FBLN1: variants seen among roughly 807,000 people sequenced by gnomAD.
FBLN1 encodes the protein fibulin-1.
A neutral mutation model predicts 89.7 loss-of-function variants in FBLN1; 34 were observed. The ratio of observed to expected loss-of-function variants is 0.38; its 90% CI spans 0.29 to 0.50. The LOEUF (loss-of-function observed/expected upper bound fraction) is 0.50, where lower values mean the gene tolerates loss of function less well. Ranked by LOEUF, FBLN1 falls within the 20% of genes least tolerant of loss-of-function variation. The probability of loss-of-function intolerance (pLI) is 0.92; values close to 1 mark genes in which losing one functional copy is unlikely to be tolerated. For missense variants in FBLN1, 777 were observed against 988.1 expected, an observed-to-expected ratio of 0.79 and a Z score of 2.86; for synonymous variants, 393 against 391.3, an observed-to-expected ratio of 1.00 and a Z score of -0.05.
At chr22:45,559,804 A>G (rs2088830266) in intron 14 of FBLN1, among the ~76,000 whole-genome samples, 1 of 152,204 alleles carries the variant, frequency 6.6e-6, no homozygotes, top group African/African-American at 2.4e-5. Context: ...CTCTGGTAAA[A>G]GGCCAGAGGT....
intron 14 of FBLN1, chr22:45,558,269 G>A (rs1436735723): frequency 4.0e-6 from 2 of 499,066 alleles, no homozygotes; most frequent in Non-Finnish European, 7.4e-6. Flanking sequence ...CCAACTTTAT[G>A]GCTAGATGGG....
rs1056002141 is a variant in FBLN1 at position 45,578,011 on chromosome 22, G to A, written c.1972+903G>A. On this transcript the variant is annotated intron_variant, in intron 16 of 16. Transcript: ENST00000327858. This position sits in a 1 kb window ranked among gnomAD's most constrained non-coding sequence, Gnocchi z 4.6. ...GATTTATACTCTGAACACTTTCAAA[G>A]CAGCTGAGCAACGGACGGACAGTCC... 1 of 152,380 alleles carries A rather than the reference G, an allele frequency of 6.6e-6. No individual in the cohort carries two copies. Among genetic ancestry groups the A allele is most frequent in the African/African-American group, 2.4e-5 (1 of 41,468 alleles). 9.4% of individuals were successfully genotyped at this position (152,380 alleles called of 1,614,324 possible).
intron 11 of FBLN1, among the ~76,000 whole-genome samples, chr22:45,546,877 G>A (rs1349761812): frequency 2.0e-5 from 3 of 152,226 alleles, no homozygotes; most frequent in Admixed American, 2.0e-4. Context: ...AGAAGTTGTG[G>A]TCGAAGCAGG....
intron 6 of FBLN1, among the ~76,000 whole-genome samples, chr22:45,533,412 C>T (rs537719142): frequency 4.6e-5 from 7 of 152,296 alleles, no homozygotes; most frequent in African/African-American, 1.4e-4. Context: ...AACCAGGTTC[C>T]GGATCCAGGA....
rs1290444171 is a variant in FBLN1 at position 45,502,982 on chromosome 22, G to T, written c.-4G>T. 7.5e-6 allele frequency: 9 copies of T among 1,195,540 alleles called. No homozygotes were observed. In the South Asian group the frequency reaches 1.5e-4, roughly 19 times the overall value. The allele number at this position is 1,195,540 out of a possible 1,614,324, so 74.1% of individuals were successfully genotyped here. A position where few individuals can be genotyped will look rare whatever the true frequency, so the allele number is the denominator to read the frequency against. On this transcript the variant is annotated 5_prime_UTR_variant, in exon 1 of 17. Coordinates refer to ENST00000327858, the MANE Select transcript of FBLN1 (RefSeq NM_006486.3). ...CGCCGCCCACCGCCCGTCGCCCGCC[G>T]CCCATGGAGCGCGCCGCGCCGTCGC...
chr22:45,589,080 T>C (rs1201061842), intron 16 of FBLN1, among the ~76,000 whole-genome samples: 1 of 49,304 alleles, frequency 2.0e-5, no homozygotes, highest in Non-Finnish European at 6.8e-5. Context: ...TATATAAAAA[T>C]ATTTTTTATA....
rs762688242 is a variant in FBLN1 at position 45,550,577 on chromosome 22, C to T, written c.1659C>T (p.Ala553=). The change falls in exon 14 of 17, where the codon GCC becomes GCT. Residue 553 remains alanine (A), a synonymous_variant. Coordinates refer to ENST00000327858, the MANE Select transcript of FBLN1 (RefSeq NM_006486.3). The surrounding 1 kb of genome is among the most constrained non-coding windows in gnomAD (Gnocchi z 8.4). ...FNIQGGFRCL[A]FECPENYRRS... The stretch of plus-strand genomic sequence containing the variant: ...TCCAGGGCGGCTTCCGCTGCCTGGC[C>T]TTCGAGTGCCCTGAGAACTACCGCC... 1 of 1,614,114 alleles carries T rather than the reference C, an allele frequency of 6.2e-7. No individual in the cohort carries two copies. Among genetic ancestry groups the T allele is most frequent in the South Asian group, 1.1e-5 (1 of 91,088 alleles).
At chr22:45,513,892 C>G (rs1569233856) in intron 1 of FBLN1, among the ~76,000 whole-genome samples, 1 of 152,082 alleles carries the variant, frequency 6.6e-6, no homozygotes, top group Non-Finnish European at 1.5e-5. Flanking sequence ...CTCCCAGGTT[C>G]AAGCGATTCT....
In FBLN1 at chr22:45,545,135, G is replaced by A. The variant is rs1363532940; in HGVS notation, c.1321+1609G>A. The stretch of plus-strand genomic sequence containing the variant: ...CTGTGGTGTGCATGATTCTCAAATC[G>A]GAGGACGGACGGTGTGAGGGGTCCT... On this transcript the variant is annotated intron_variant, in intron 11 of 16. Coordinates refer to ENST00000327858, the MANE Select transcript of FBLN1 (RefSeq NM_006486.3). The surrounding 1 kb of genome is among the most constrained non-coding windows in gnomAD (Gnocchi z 5.9). Among the ~76,000 whole-genome samples the A allele has an allele frequency of 2.6e-5, 4 of 152,208 alleles. No individual in the cohort carries two copies. Among genetic ancestry groups the A allele is most frequent in the African/African-American group, 4.8e-5 (2 of 41,454 alleles).
intron 7 of FBLN1, 67 bp from the exon 8 acceptor site, chr22:45,535,133 T>G (rs1388304277): frequency 3.2e-6 from 5 of 1,585,096 alleles, no homozygotes; most frequent in African/African-American, 1.3e-5. Flanking sequence ...TCTTGTGATT[T>G]TAAAGTGTTG....
intron 16 of FBLN1, among the ~76,000 whole-genome samples, chr22:45,592,440 G>A (rs1360002042): frequency 1.3e-5 from 2 of 152,142 alleles, no homozygotes; most frequent in Non-Finnish European, 2.9e-5. Context: ...GATTCTCCCT[G>A]CCTCAGCCTC....
chr22:45,538,497 CT>C (rs528998777), intron 8 of FBLN1, among the ~76,000 whole-genome samples: 68 of 152,314 alleles, frequency 4.5e-4, no homozygotes, highest in African/African-American at 1.5e-3. Context: ...CTGCCACTTG[CT>C]TTTCCCCCCC....
intron 8 of FBLN1, chr22:45,535,602 A>G: frequency 4.6e-6 from 2 of 435,326 alleles, no homozygotes; most frequent in East Asian, 4.6e-5. Context: ...CTGTGTTCCA[A>G]TAAAACTTTA....
intron 2 of FBLN1, among the ~76,000 whole-genome samples, chr22:45,520,039 G>A (rs964761836): frequency 3.8e-4 from 57 of 151,720 alleles, no homozygotes; most frequent in Admixed American, 7.2e-4. Context: ...TTGTGGTGGC[G>A]GGCGTCTGTA....
At chr22:45,591,431 AGAG>A (rs2089135530) in intron 16 of FBLN1, among the ~76,000 whole-genome samples, 4 of 81,050 alleles carry the variant, frequency 4.9e-5, no homozygotes, top group Admixed American at 1.1e-4. Context: ...CCTGAAACGA[AGAG>A]CTGTCTCTTT....
In FBLN1 at chr22:45,580,948, C is replaced by T. The variant is rs912862865; in HGVS notation, c.1972+3840C>T. Among the ~76,000 whole-genome samples, 5 of 152,182 alleles carry T rather than the reference C, an allele frequency of 3.3e-5. No individual in the cohort carries two copies. The highest frequency in any genetic ancestry group is 2.1e-4 in the South Asian group (1 of 4,828). ...AAGCCCCCTTGCATTCCTCTTTAAC[C>T]GGCTGTCAAAGAAAAATGAAGAATG... is the stretch of plus-strand genomic sequence containing the variant. On this transcript the variant is annotated intron_variant, in intron 16 of 16. Transcript: ENST00000327858. This position sits in a 1 kb window ranked among gnomAD's most constrained non-coding sequence, Gnocchi z 8.6.
chr22:45,526,691 G>A (rs886832338), intron 3 of FBLN1, among the ~76,000 whole-genome samples: 2 of 152,224 alleles, frequency 1.3e-5, no homozygotes, highest in African/African-American at 4.8e-5. Flanking sequence ...TGGAGGAGTT[G>A]GGGGTCCCGA....
Position 45,549,120 on chromosome 22 carries a change from G to A in FBLN1, c.1573+376G>A, listed in dbSNP as rs535213642. 6.6e-6 allele frequency among the ~76,000 whole-genome samples: 1 copy of A among 152,354 alleles called. No homozygotes were observed. Among genetic ancestry groups the A allele is most frequent in the South Asian group, 2.1e-4 (1 of 4,828 alleles). On this transcript the variant is annotated intron_variant, in intron 13 of 16. Transcript: ENST00000327858. The surrounding 1 kb of genome is among the most constrained non-coding windows in gnomAD (Gnocchi z 5.7). ...CAGGGGATGGCGTGGCCTGGTGTGGGATGGCCCAGGGATACTCATGGCTAT... is the reference window on the plus strand; with the variant it reads ...CAGGGGATGGCGTGGCCTGGTGTGGAATGGCCCAGGGATACTCATGGCTAT...
Position 45,557,162 on chromosome 22 carries a change from C to T in FBLN1, c.1697+6547C>T, listed in dbSNP as rs932512912. Among the ~76,000 whole-genome samples the T allele has an allele frequency of 6.6e-6, 1 of 152,320 alleles. No individual in the cohort carries two copies. Among genetic ancestry groups the T allele is most frequent in the South Asian group, 2.1e-4 (1 of 4,818 alleles). On this transcript the variant is annotated intron_variant, in intron 14 of 16. Transcript: ENST00000327858. This position sits in a 1 kb window ranked among gnomAD's most constrained non-coding sequence, Gnocchi z 4.9. ...GAATTCCATGAGCATGAGCCCACTG[C>T]CACACCTCTTTAGCAGTAAAGTGAG...
Sources: gnomAD v4.1 joint callset for allele counts (sites outside exome capture counted in the v4.1 genomes callset) on GRCh38, gnomAD v4.1.1 for gene constraint, Gnocchi (gnomAD v3.1) non-coding constraint, MANE v1.5 for transcripts, NCBI Gene and HGNC (gene_info 2026-07-23, HGNC 2026-07-21) for gene names.